GPC5: variants seen among roughly 807,000 people sequenced by gnomAD.
The protein encoded by GPC5 is glypican 5, also known as glypican-5.
In GPC5, 47 loss-of-function variants were observed where a neutral mutation model predicts 53.9. That is an observed-to-expected ratio of 0.87 (90% confidence interval 0.69 to 1.11). The LOEUF (loss-of-function observed/expected upper bound fraction) is 1.11, where lower values mean the gene tolerates loss of function less well. Among genes scored for constraint, GPC5 ranks in the 50% most tolerant of loss-of-function variants. GPC5 has a pLI of 0.00. For missense variants in GPC5, 748 were observed against 713.1 expected, an observed-to-expected ratio of 1.05 and a Z score of -0.56; for synonymous variants, 286 against 263.3, an observed-to-expected ratio of 1.09 and a Z score of -0.84.
At chr13:91,572,067 ATATACACACATATGTATATGTACATG>A (rs1341099109) in intron 2 of GPC5, among the ~76,000 whole-genome samples, 1 of 136,700 alleles carries the variant, frequency 7.3e-6, no homozygotes, top group Non-Finnish European at 1.5e-5. Context: ...ATATACATGT[ATATACACACATATGTATATGTACATG>A]TGTGTGTATA....
At chr13:92,664,695 G>T (rs1446694694) in intron 7 of GPC5, among the ~76,000 whole-genome samples, 1 of 152,082 alleles carries the variant, frequency 6.6e-6, no homozygotes, top group Non-Finnish European at 1.5e-5. Context: ...TTTGGGCAAA[G>T]ATAGAGCAAA....
chr13:92,232,175 A>T (rs2139102335), intron 7 of GPC5, among the ~76,000 whole-genome samples: 1 of 152,212 alleles, frequency 6.6e-6, no homozygotes, highest in East Asian at 1.9e-4. Context: ...TAAAAATAAG[A>T]ATCGTTTTTT....
chr13:92,527,821 C>T (rs1881421327), intron 7 of GPC5, among the ~76,000 whole-genome samples: 1 of 151,816 alleles, frequency 6.6e-6, no homozygotes, highest in South Asian at 2.1e-4. Flanking sequence ...TTCTATAACA[C>T]AGAGAAAATT....
At chr13:92,405,296 A>G (rs565932180) in intron 7 of GPC5, among the ~76,000 whole-genome samples, 44 of 152,292 alleles carry the variant, frequency 2.9e-4, no homozygotes, top group Admixed American at 5.2e-4. Flanking sequence ...CAATTAACTT[A>G]AAGTGCACAT....
chr13:92,337,340 A>C (rs1250712664), intron 7 of GPC5, among the ~76,000 whole-genome samples: 5 of 152,124 alleles, frequency 3.3e-5, no homozygotes, highest in Non-Finnish European at 5.9e-5. Context: ...AAATAGGAAG[A>C]CTCAATAGTG....
At chr13:92,322,862 C>T (rs1198371466) in intron 7 of GPC5, among the ~76,000 whole-genome samples, 2 of 151,886 alleles carry the variant, frequency 1.3e-5, no homozygotes, top group Non-Finnish European at 2.9e-5. Context: ...AGAAAAGGCC[C>T]TTGAACTAAC....
chr13:92,786,873 G>A lies in GPC5; in HGVS notation c.1562-79409G>A, dbSNP rs1038632713. Among the ~76,000 whole-genome samples the A allele has an allele frequency of 2.6e-5, 4 of 152,210 alleles. No homozygotes were observed. In the South Asian group the frequency reaches 8.3e-4, roughly 32 times the overall value. ...GGCCCCCGGACATGGAGAATGGAGGGAGCCAGATACACCGCATTCCAGCAA... is the reference window on the plus strand; with the variant it reads ...GGCCCCCGGACATGGAGAATGGAGGAAGCCAGATACACCGCATTCCAGCAA... On this transcript the variant is annotated intron_variant, in intron 7 of 7. Coordinates refer to ENST00000377067, the MANE Select transcript of GPC5 (RefSeq NM_004466.6).
intron 6 of GPC5, among the ~76,000 whole-genome samples, chr13:92,046,073 C>A (rs144364122): frequency 6.6e-6 from 1 of 151,648 alleles, no homozygotes; most frequent in East Asian, 1.9e-4. Flanking sequence ...ATCGCACCAC[C>A]GCACTCCACA....
chr13:91,865,102 G>T (rs2039069870), intron 5 of GPC5, among the ~76,000 whole-genome samples: 1 of 151,586 alleles, frequency 6.6e-6, no homozygotes, highest in Non-Finnish European at 1.5e-5. Flanking sequence ...GTAGAGACGG[G>T]GTTTCACGAT....
intron 2 of GPC5, among the ~76,000 whole-genome samples, chr13:91,674,516 C>T (rs944948892): frequency 2.2e-5 from 3 of 133,830 alleles, no homozygotes; most frequent in Admixed American, 7.2e-5. Flanking sequence ...TATATATACA[C>T]ATATATGCGT....
chr13:91,693,287 G>C lies in GPC5; in HGVS notation c.426G>C (p.Gln142His), dbSNP rs1157612117. Residue 142 changes from glutamine (Q) to histidine (H), a missense_variant, in exon 3 of 8, where the codon CAG becomes CAC. Gln to His is a conservative substitution (Grantham distance 24, BLOSUM62 0). Coordinates refer to ENST00000377067, the MANE Select transcript of GPC5 (RefSeq NM_004466.6). ...CCTTGGAGGCTGCTGCTTCGGTTCA[G>C]GAGTTCTTCACTGATGTGGGGCTGT... ...NMALEAAASVQEFFTDVGLYL... is the reference protein window; with the variant it reads ...NMALEAAASVHEFFTDVGLYL... The C allele has an allele frequency of 1.9e-6, 3 of 1,613,922 alleles. No individual in the cohort carries two copies. The African/African-American group carries it at 4.0e-5, about 22-fold the overall frequency.
intron 6 of GPC5, among the ~76,000 whole-genome samples, chr13:92,076,881 T>C (rs1014532026): frequency 1.3e-5 from 2 of 152,206 alleles, no homozygotes; most frequent in Non-Finnish European, 2.9e-5. Context: ...AGTAAAATTC[T>C]AGCACCTTTT....
intron 7 of GPC5, among the ~76,000 whole-genome samples, chr13:92,538,367 C>T (rs1286466131): frequency 6.6e-6 from 1 of 151,308 alleles, no homozygotes; most frequent in Non-Finnish European, 1.5e-5. Flanking sequence ...CTTTCTGTCT[C>T]CTTTCTTTCC....
intron 7 of GPC5, among the ~76,000 whole-genome samples, chr13:92,315,207 C>T (rs146416847): frequency 6.6e-6 from 1 of 152,182 alleles, no homozygotes; most frequent in Non-Finnish European, 1.5e-5. Context: ...AGTGGAAATT[C>T]TCTCTGGGAA....
chr13:92,473,694 T>C (rs1279128032), intron 7 of GPC5, among the ~76,000 whole-genome samples: 1 of 152,136 alleles, frequency 6.6e-6, no homozygotes, highest in African/African-American at 2.4e-5. Flanking sequence ...TAGACACTGA[T>C]GGGATAGAAA....
At chr13:92,188,413 T>G (rs2139044442) in intron 7 of GPC5, among the ~76,000 whole-genome samples, 1 of 152,242 alleles carries the variant, frequency 6.6e-6, no homozygotes, top group Middle Eastern at 3.4e-3. Context: ...AAATTGCATC[T>G]TACAAGAGAG....
chr13:91,691,823 G>A (rs1305073414), intron 2 of GPC5, among the ~76,000 whole-genome samples: 1 of 151,738 alleles, frequency 6.6e-6, no homozygotes, highest in African/African-American at 2.4e-5. Context: ...ACCTATTTTT[G>A]TAATATACTC....
chr13:92,283,907 G>C (rs564714399), intron 7 of GPC5, among the ~76,000 whole-genome samples: 5 of 152,260 alleles, frequency 3.3e-5, no homozygotes, highest in African/African-American at 1.2e-4. Flanking sequence ...AGAACTGAAG[G>C]AGATAGAGAC....
At chr13:91,755,207 T>G (rs574017992) in intron 4 of GPC5, among the ~76,000 whole-genome samples, 1 of 152,116 alleles carries the variant, frequency 6.6e-6, no homozygotes, top group Admixed American at 6.5e-5. Context: ...GATTTCATTT[T>G]TAAAAAATTA....
Sources: allele counts gnomAD v4.1 joint callset (sites outside exome capture counted in the v4.1 genomes callset), GRCh38; gene constraint gnomAD v4.1.1; transcripts MANE v1.5; gene names NCBI Gene and HGNC (gene_info 2026-07-23, HGNC 2026-07-21).